EIF4G3: variants seen among roughly 807,000 people sequenced by gnomAD.
EIF4G3 encodes the protein eIF-4-gamma 3.
Under a neutral mutation model 186.4 loss-of-function variants are expected in EIF4G3, and 34 were observed. The ratio of observed to expected loss-of-function variants is 0.18; its 90% CI spans 0.14 to 0.24. EIF4G3 has a LOEUF of 0.24. EIF4G3 is among the 10% of genes least tolerant of loss of function. The probability of loss-of-function intolerance (pLI) is 1.00; values close to 1 mark genes in which losing one functional copy is unlikely to be tolerated. For missense variants in EIF4G3, 1,536 were observed against 1,948.5 expected (o/e 0.79, Z 3.99); for synonymous variants, 673 against 679.5 (o/e 0.99, Z 0.15).
intron 2 of EIF4G3, among the ~76,000 whole-genome samples, chr1:21,145,316 C>A (rs549482834): frequency 7.6e-6 from 1 of 130,986 alleles, no homozygotes; most frequent in East Asian, 2.7e-4. Context: ...AGCTAAAAAA[C>A]AAAACAAAAC....
intron 2 of EIF4G3, among the ~76,000 whole-genome samples, chr1:21,157,649 G>A (rs899839876): frequency 6.6e-6 from 1 of 151,896 alleles, no homozygotes; most frequent in African/African-American, 2.4e-5. Flanking sequence ...GGTTTCTTTT[G>A]TATATTCTTC....
intron 24 of EIF4G3, among the ~76,000 whole-genome samples, chr1:20,860,134 A>G (rs1290998583): frequency 1.3e-5 from 2 of 152,242 alleles, no homozygotes; most frequent in Non-Finnish European, 2.9e-5. Flanking sequence ...AATTCTGAGT[A>G]TATAGAAGAT....
chr1:21,176,300 T>TGCTGCC lies in EIF4G3; in HGVS notation c.-403_-398dup, dbSNP rs2098106353. 3.5e-6 allele frequency: 1 copy of TGCTGCC among 288,026 alleles called. No individual in the cohort carries two copies. 17.8% of individuals were successfully genotyped at this position (288,026 alleles called of 1,614,324 possible). A position where few individuals can be genotyped will look rare whatever the true frequency, so the allele number is the denominator to read the frequency against. ...CCGCCGGGTGAGGAGGCGGTACCGC[T>TGCTGCC]GCTGCCGCCGCCGCCGCCGCTCCGG... is the stretch of plus-strand genomic sequence containing the variant. On this transcript the variant is annotated 5_prime_UTR_variant, in exon 2 of 37. Coordinates refer to ENST00000602326, the MANE Select transcript of EIF4G3 (RefSeq NM_001391906.1).
intron 26 of EIF4G3, among the ~76,000 whole-genome samples, chr1:20,854,435 C>T (rs907332246): frequency 6.6e-5 from 10 of 151,580 alleles, no homozygotes; most frequent in African/African-American, 1.9e-4. Context: ...TGGCTCATAA[C>T]TGTAATCCCA....
At position 20,825,182 on chromosome 1, in the gene EIF4G3, C is replaced by T; in HGVS notation, c.4286G>A (p.Gly1429Glu). The T allele has an allele frequency of 6.2e-7, 1 of 1,608,822 alleles. No individual in the cohort carries two copies. The highest frequency in any genetic ancestry group is 8.5e-7 in the Non-Finnish European group (1 of 1,176,650). ...LCKQMSHKKVGALWREADLSW... is the reference protein window; with the variant it reads ...LCKQMSHKKVEALWREADLSW... ...GAGGTCAGCCTCCCTCCATAAGGCT[C>T]CCACTTTCTTATGGCTCTAAAATAG... The change falls in exon 33 of 37, where the codon GGA (glycine) becomes GAA (glutamate). Residue 1429 changes from glycine (G) to glutamate (E), a missense_variant. Physicochemically the swap from Gly to Glu is moderately conservative, Grantham distance 98. Around this residue, in one of 11 missense-constraint regions of EIF4G3, gnomAD observed 395 missense variants for 498.9 expected, o/e 0.79. Transcript: ENST00000602326.
intron 3 of EIF4G3, among the ~76,000 whole-genome samples, chr1:21,060,832 A>G (rs578184285): frequency 1.4e-4 from 21 of 152,074 alleles, no homozygotes; most frequent in Non-Finnish European, 3.1e-4. Context: ...TCTTGGCCAC[A>G]ACTAATGGTG....
intron 2 of EIF4G3, among the ~76,000 whole-genome samples, chr1:21,153,491 A>G (rs1230376463): frequency 6.6e-6 from 1 of 152,212 alleles, no homozygotes; most frequent in Non-Finnish European, 1.5e-5. Context: ...ATAATGCTGG[A>G]TACTATGGTT....
intron 10 of EIF4G3, among the ~76,000 whole-genome samples, chr1:20,979,266 A>G (rs977289505): frequency 6.6e-6 from 1 of 152,152 alleles, no homozygotes; most frequent in African/African-American, 2.4e-5. Context: ...TAAATTAAAA[A>G]CACTTTTAAT....
chr1:21,076,441 G>A (rs2095590212), intron 3 of EIF4G3, among the ~76,000 whole-genome samples: 1 of 151,986 alleles, frequency 6.6e-6, no homozygotes, highest in Non-Finnish European at 1.5e-5. Flanking sequence ...AAAAAGCCAA[G>A]ATATGCCCAC....
chr1:20,871,579 A>G (rs554100186), intron 20 of EIF4G3, among the ~76,000 whole-genome samples: 1 of 152,240 alleles, frequency 6.6e-6, no homozygotes, highest in Admixed American at 6.5e-5. Context: ...ACCTTAAGGG[A>G]ATTCTTTTAA....
At chr1:20,880,746 G>T (rs987077295) in intron 19 of EIF4G3, among the ~76,000 whole-genome samples, 1 of 152,000 alleles carries the variant, frequency 6.6e-6, no homozygotes, top group African/African-American at 2.4e-5. Context: ...GTGAGACTCT[G>T]TCTCAAAACA....
At chr1:20,944,444 G>A (rs1052315895) in intron 13 of EIF4G3, among the ~76,000 whole-genome samples, 2 of 151,890 alleles carry the variant, frequency 1.3e-5, no homozygotes, top group Non-Finnish European at 2.9e-5. Context: ...GAGCCCAGGA[G>A]GTCGAGGCTG....
chr1:20,969,206 T>C (rs995259860), intron 12 of EIF4G3, among the ~76,000 whole-genome samples: 2 of 152,266 alleles, frequency 1.3e-5, no homozygotes, highest in African/African-American at 4.8e-5. Context: ...CCTTTTGGCA[T>C]CATGCGATAG....
chr1:20,887,348 T>G (rs1185658034), intron 18 of EIF4G3, among the ~76,000 whole-genome samples: 5 of 152,128 alleles, frequency 3.3e-5, no homozygotes, highest in Non-Finnish European at 7.4e-5. Flanking sequence ...GCTGCCCTTT[T>G]GAATTCATTT....
At chr1:21,013,116 C>T (rs2087705263) in intron 4 of EIF4G3, among the ~76,000 whole-genome samples, 1 of 151,986 alleles carries the variant, frequency 6.6e-6, no homozygotes, top group Non-Finnish European at 1.5e-5. Flanking sequence ...CTCAGAGGGG[C>T]CCTCAGGGAA....
Position 20,982,416 on chromosome 1 carries a change from T to A in EIF4G3, c.178-8A>T. The A allele has an allele frequency of 1.3e-6, 2 of 1,526,206 alleles. No homozygotes were observed. Among genetic ancestry groups the A allele is most frequent in the Non-Finnish European group, 1.7e-6 (2 of 1,143,170 alleles). 94.5% of individuals were successfully genotyped at this position (1,526,206 alleles called of 1,614,324 possible). A position where few individuals can be genotyped will look rare whatever the true frequency, so the allele number is the denominator to read the frequency against. On this transcript the variant is annotated splice_polypyrimidine_tract_variant and splice_region_variant and intron_variant, in intron 7 of 36. Transcript: ENST00000602326. ...GATAGGTCTGAATCCTCCCTTCAAA[T>A]ATGAAGCAAGAAAGCAGCAGGAAAC...
chr1:21,054,246 T>G (rs1049480605), intron 3 of EIF4G3, among the ~76,000 whole-genome samples: 1 of 151,270 alleles, frequency 6.6e-6, no homozygotes, highest in African/African-American at 2.4e-5. Flanking sequence ...CAAGATGTGC[T>G]TTGTTAAACA....
intron 13 of EIF4G3, among the ~76,000 whole-genome samples, chr1:20,948,647 C>T (rs1198393179): frequency 2.0e-5 from 3 of 152,090 alleles, no homozygotes; most frequent in African/African-American, 7.2e-5. Context: ...GACTAACTTG[C>T]AGTCTACCCA....
chr1:20,827,767 A>G (rs1394077640), intron 31 of EIF4G3, 69 bp from the exon 32 acceptor site: 1 of 1,083,980 alleles, frequency 9.2e-7, no homozygotes, highest in African/African-American at 1.5e-5. Flanking sequence ...AGAGGCAAAC[A>G]ATGTGTGACC....
Sources: gnomAD v4.1 joint callset for allele counts (sites outside exome capture counted in the v4.1 genomes callset) on GRCh38, gnomAD v4.1.1 for gene constraint, gnomAD v4.1.1 regional missense constraint, MANE v1.5 for transcripts, NCBI Gene and HGNC (gene_info 2026-07-23, HGNC 2026-07-21) for gene names.